The following NCOR2 variants were observed in gnomAD, a reference collection of about 807,000 sequenced individuals.
NCOR2 encodes the protein CTG repeat protein 26.
NCOR2 carries 81 observed loss-of-function variants against 262.9 expected under a neutral mutation model. The ratio of observed to expected loss-of-function variants is 0.31; its 90% CI spans 0.26 to 0.37. The LOEUF (loss-of-function observed/expected upper bound fraction) is 0.37. Ranked by LOEUF, NCOR2 falls within the 10% of genes least tolerant of loss-of-function variation. The pLI, the probability that NCOR2 is intolerant of heterozygous loss-of-function variation, is 1.00. For synonymous variants in NCOR2, 1,659 were observed against 1,559.3 expected (o/e 1.06, Z -1.51); for missense variants, 3,385 against 3,621.4 (o/e 0.93, Z 1.68).
chr12:124,350,767 A>T (rs367823830), intron 27 of NCOR2, 30 bp from the exon 30 acceptor site: 798 of 1,597,392 alleles, frequency 5.0e-4, no homozygotes, highest in Non-Finnish European at 6.4e-4. Flanking sequence ...AGCGCCCAGG[A>T]GGCTGCAGCC....
At chr12:124,550,601 G>A (rs1295758108) in intron 1 of NCOR2, among the ~76,000 whole-genome samples, 3 of 152,222 alleles carry the variant, frequency 2.0e-5, no homozygotes, top group Non-Finnish European at 4.4e-5. Flanking sequence ...GAACGTGGTT[G>A]TATTTTTTAT....
chr12:124,406,325 G>C (rs1711293886), intron 13 of NCOR2, among the ~76,000 whole-genome samples: 1 of 152,182 alleles, frequency 6.6e-6, no homozygotes, highest in Non-Finnish European at 1.5e-5. Flanking sequence ...CACACCTGCA[G>C]GTGCACACAC....
At chr12:124,428,024 G>A (rs887691323) in intron 10 of NCOR2, among the ~76,000 whole-genome samples, 1 of 126,966 alleles carries the variant, frequency 7.9e-6, no homozygotes, top group Non-Finnish European at 1.8e-5. Flanking sequence ...GGACTCTGAT[G>A]ACTGCATTCC....
chr12:124,557,255 A>G, intron 1 of NCOR2, among the ~76,000 whole-genome samples: 1 of 152,154 alleles, frequency 6.6e-6, no homozygotes, highest in African/African-American at 2.4e-5. Flanking sequence ...ACAAAGCTCC[A>G]CACGCCGGGG....
rs543853473 is a variant in NCOR2, at chr12:124,556,180, A to G, written c.-165+11128T>C. ...CTAGCAAGGGGTGGTCACGGCCACC[A>G]AGGGAGGGACAGAGAGGGAATGGCC... On this transcript the variant is annotated intron_variant, in intron 1 of 32. Coordinates refer to the NCOR2 transcript ENST00000458234. The G allele has an allele frequency of 6.6e-5, 10 of 152,496 alleles. No homozygotes were observed. The East Asian group carries it at 1.5e-3, about 24-fold the overall frequency. 9.4% of individuals were successfully genotyped at this position (152,496 alleles called of 1,614,324 possible). A position where few individuals can be genotyped will look rare whatever the true frequency, so the allele number is the denominator to read the frequency against.
upstream of NCOR2, chr12:124,495,441 G>C (rs2048327599): frequency 1.0e-5 from 12 of 1,204,144 alleles, no homozygotes; most frequent in Non-Finnish European, 1.2e-5. This position sits in a 1 kb window ranked among gnomAD's most constrained non-coding sequence, Gnocchi z 4.4. Flanking sequence ...AGGTCCCCGA[G>C]TCGTTCCTGT....
chr12:124,410,910 G>A (rs963003345), intron 13 of NCOR2, among the ~76,000 whole-genome samples: 7 of 151,986 alleles, frequency 4.6e-5, no homozygotes, highest in East Asian at 1.9e-4. Flanking sequence ...GAGGACAGAC[G>A]GAGGAGGCAG....
intron 13 of NCOR2, among the ~76,000 whole-genome samples, chr12:124,419,481 C>T (rs998268188): frequency 6.6e-6 from 1 of 152,190 alleles, no homozygotes; most frequent in African/African-American, 2.4e-5. Context: ...TCCCAAGCAA[C>T]GGCGTCTGAA....
At chr12:124,392,478 G>T (rs2041376942) in intron 16 of NCOR2, among the ~76,000 whole-genome samples, 1 of 152,106 alleles carries the variant, frequency 6.6e-6, no homozygotes, top group African/African-American at 2.4e-5. Flanking sequence ...TCCCTGCCTG[G>T]TATACCACCC....
At chr12:124,396,715 G>C (rs527596834) in intron 16 of NCOR2, among the ~76,000 whole-genome samples, 1 of 152,068 alleles carries the variant, frequency 6.6e-6, no homozygotes, top group East Asian at 1.9e-4. Flanking sequence ...CTCTGAGGGC[G>C]AGGGGCAGGG....
At chr12:124,538,836 G>A (rs1401299439), upstream of NCOR2, 1 of 152,342 alleles carries the variant, frequency 6.6e-6, no homozygotes, top group African/African-American at 2.4e-5. Context: ...AGCTAGTCGG[G>A]GAGGGAAGGA....
intron 1 of NCOR2, among the ~76,000 whole-genome samples, chr12:124,565,133 C>T (rs77665405): frequency 0.015 from 2,328 of 152,244 alleles, 69 homozygotes; most frequent in African/African-American, 0.053. Context: ...GGTCTCCATC[C>T]CTCACCAGGG....
chr12:124,555,480 G>C (rs912472717), intron 1 of NCOR2, among the ~76,000 whole-genome samples: 5 of 152,180 alleles, frequency 3.3e-5, no homozygotes, highest in African/African-American at 4.8e-5. Flanking sequence ...ATACATGCTC[G>C]GGTGTCATCG....
At chr12:124,334,398 A>T in intron 41 of NCOR2, 26 bp downstream of exon 43, 2 of 1,508,274 alleles carry the variant, frequency 1.3e-6, no homozygotes, top group South Asian at 1.2e-5. Context: ...GCTGACCAGC[A>T]AGAGGCACCC....
chr12:124,380,794 TG>T (rs1160004769), intron 17 of NCOR2, among the ~76,000 whole-genome samples: 4 of 151,268 alleles, frequency 2.6e-5, no homozygotes, highest in Non-Finnish European at 2.9e-5. Context: ...GGGGGCGGCG[TG>T]GGGTCTCTGA....
Position 124,482,804 on chromosome 12 carries a change from T to C in NCOR2, c.411+792A>G, listed in dbSNP as rs2047566290. Among the ~76,000 whole-genome samples the C allele has an allele frequency of 6.6e-6, 1 of 152,114 alleles. No homozygotes were observed. Among genetic ancestry groups the C allele is most frequent in the Admixed American group, 6.5e-5 (1 of 15,278 alleles). The stretch of plus-strand genomic sequence containing the variant: ...AGTTGTCTGGCTCCCCTGCCCAAAG[T>C]GCATCCGTGGTCCCTCAGGCCTGGG... On this transcript the variant is annotated intron_variant, in intron 3 of 46. Transcript: ENST00000405201. This position sits in a 1 kb window ranked among gnomAD's most constrained non-coding sequence, Gnocchi z 6.3.
intron 7 of NCOR2, among the ~76,000 whole-genome samples, chr12:124,445,258 G>C (rs2045069823): frequency 6.6e-6 from 1 of 152,174 alleles, no homozygotes; most frequent in Admixed American, 6.5e-5. Flanking sequence ...AGACTCCCGG[G>C]AATTCCTGGA....
intron 9 of NCOR2, 41 bp from the exon 12 acceptor site, chr12:124,429,747 G>T (rs781773352): frequency 1.3e-6 from 2 of 1,540,860 alleles, no homozygotes; most frequent in East Asian, 4.8e-5. Context: ...GTCTTCTGGT[G>T]GTCGGGGACA....
At chr12:124,563,212 A>G (rs7972214) in intron 1 of NCOR2, among the ~76,000 whole-genome samples, 72,895 of 152,028 alleles carry the variant, frequency 0.48, 18,636 homozygotes, top group African/African-American at 0.67. Context: ...ATGCTAAATC[A>G]GCGGCTCTCT....
Sources: gnomAD v4.1 joint callset for allele counts (sites outside exome capture counted in the v4.1 genomes callset) on GRCh38, gnomAD v4.1.1 for gene constraint, Gnocchi (gnomAD v3.1) non-coding constraint, MANE v1.5 for transcripts, NCBI Gene and HGNC (gene_info 2026-07-23, HGNC 2026-07-21) for gene names.